The following SIGLEC1 variants were observed in gnomAD, a reference collection of about 807,000 sequenced individuals.
SIGLEC1 encodes sialic acid binding Ig like lectin 1.
A neutral mutation model predicts 148.0 loss-of-function variants in SIGLEC1; 132 were observed. That is an observed-to-expected ratio of 0.89 (90% CI 0.77 to 1.03). SIGLEC1 has a LOEUF of 1.03. Ranked by LOEUF, SIGLEC1 falls within the 50% of genes least tolerant of loss-of-function variation. SIGLEC1 has a pLI of 0.00. For missense variants in SIGLEC1, 2,253 were observed against 2,271.4 expected, an observed-to-expected ratio of 0.99 and a Z score of 0.16; for synonymous variants, 945 against 969.0, an observed-to-expected ratio of 0.98 and a Z score of 0.46.
intron 6 of SIGLEC1, 192 bp downstream of exon 6, chr20:3,703,005 A>G (rs1327481303): frequency 2.2e-5 from 13 of 597,826 alleles, no homozygotes; most frequent in Non-Finnish European, 3.8e-5. Context: ...TTAAACTTCC[A>G]AATATAAAAT....
rs960120516 is a variant in SIGLEC1 at position 3,701,407 on chromosome 20, T to C, written c.1463A>G (p.Glu488Gly). The change falls in exon 7 of 22, where the codon GAG becomes GGG. Residue 488 changes from glutamate to glycine, a missense_variant. Coordinates refer to ENST00000344754, the MANE Select transcript of SIGLEC1 (RefSeq NM_023068.4). ...GGAGTTGGTGGCTGAGCACTTGTAC[T>C]CCCCACTGTCAGTTTCCTCCAGGTC... ...IRDLEETDSG[E>G]YKCSATNSLG... The C allele has an allele frequency of 1.2e-6, 2 of 1,614,114 alleles. No homozygotes were observed. The highest frequency in any genetic ancestry group is 8.5e-7 in the Non-Finnish European group (1 of 1,180,014).
intron 7 of SIGLEC1, among the ~76,000 whole-genome samples, chr20:3,700,920 CG>C (rs1360179650): frequency 6.6e-6 from 1 of 151,758 alleles, no homozygotes; most frequent in Non-Finnish European, 1.5e-5. Flanking sequence ...AGGATGGTCT[CG>C]ATCTCTTGAC....
At chr20:3,692,332 A>G (rs1568839300) in intron 16 of SIGLEC1, 130 bp from the exon 17 acceptor site, 1 of 1,184,214 alleles carries the variant, frequency 8.4e-7, no homozygotes, top group African/African-American at 1.5e-5. Flanking sequence ...ACACCTTCCC[A>G]GGAGTCCTGT....
At chr20:3,699,068 A>C in intron 8 of SIGLEC1, 134 bp downstream of exon 8, 1 of 1,016,702 alleles carries the variant, frequency 9.8e-7, no homozygotes. Context: ...GGAAAGACCC[A>C]CTGTGGCCAG....
At position 3,693,458 on chromosome 20, in the gene SIGLEC1, A is replaced by G; in HGVS notation, c.3497T>C (p.Leu1166Ser). Residue 1166 changes from leucine to serine, a missense_variant, in exon 14 of 22, where the codon TTG (leucine) becomes TCG (serine). Physicochemically the swap from Leu to Ser is moderately radical, Grantham distance 145. Transcript: ENST00000344754. ...RAPRLSRPITLDVLYAPRNLR... is the reference protein window; with the variant it reads ...RAPRLSRPITSDVLYAPRNLR... ...CCAGCCAGACTCACAGAGGACGTCC[A>G]AGGTGATAGGTCTGGAGAGGCGGGG... is the stretch of plus-strand genomic sequence containing the variant. 1 of 1,583,038 alleles carries G rather than the reference A, an allele frequency of 6.3e-7. No homozygotes were observed. The highest frequency in any genetic ancestry group is 8.6e-7 in the Non-Finnish European group (1 of 1,161,596).
At position 3,696,472 on chromosome 20, in the gene SIGLEC1, A is replaced by G. The variant is rs1167179206; in HGVS notation, c.2683+114T>C. ...CTGCTGGCTGGAAACTGCCCTTACC[A>G]GGACTGAAAAAGACATATTTCTGCA... On this transcript the variant is annotated intron_variant, in intron 11 of 21. Coordinates refer to ENST00000344754, the MANE Select transcript of SIGLEC1 (RefSeq NM_023068.4). The G allele has an allele frequency of 9.5e-6, 10 of 1,053,322 alleles. 1 individual carries two copies. Among genetic ancestry groups the G allele is most frequent in the African/African-American group, 3.2e-5 (2 of 62,622 alleles). 65.2% of individuals were successfully genotyped at this position (1,053,322 alleles called of 1,614,324 possible). A position where few individuals can be genotyped will look rare whatever the true frequency, so the allele number is the denominator to read the frequency against.
chr20:3,689,325 G>T, intron 20 of SIGLEC1, 98 bp from the exon 21 acceptor site: 2 of 1,074,150 alleles, frequency 1.9e-6, no homozygotes, highest in Non-Finnish European at 2.9e-6. Flanking sequence ...GACCACAAGA[G>T]CGTGGGAACC....
rs568078613 is a variant in SIGLEC1, at chr20:3,710,739, G to T, written c.-110+1731C>A. 6.6e-6 allele frequency among the ~76,000 whole-genome samples: 1 copy of T among 152,312 alleles called. No individual in the cohort carries two copies. The highest frequency in any genetic ancestry group is 2.4e-5 in the African/African-American group (1 of 41,570). On this transcript the variant is annotated intron_variant, in intron 1 of 21. Transcript: ENST00000344754. This position sits in a 1 kb window ranked among gnomAD's most constrained non-coding sequence, Gnocchi z 4.6. ...GCAATCGTGAACCTGATGGAAGAAT[G>T]GTGGGGTTCTGGACACAGCGACCCT... is the stretch of plus-strand genomic sequence containing the variant.
In SIGLEC1 at chr20:3,692,835, G is replaced by C. The variant is rs750648570; in HGVS notation, c.3778+27C>G. 5.0e-6 allele frequency: 8 copies of C among 1,601,698 alleles called. No homozygotes were observed. In the East Asian group the frequency reaches 1.8e-4, roughly 36 times the overall value. ...GACACCACAGTGGGCTTCCATCCCA[G>C]TGGGCTTGGCCTAGGCCCTGCCTTA... On this transcript the variant is annotated intron_variant, in intron 15 of 21. Coordinates refer to ENST00000344754, the MANE Select transcript of SIGLEC1 (RefSeq NM_023068.4).
Position 3,697,265 on chromosome 20 carries a change from C to T in SIGLEC1, c.2200G>A (p.Glu734Lys). ...AAGTTAGCAGGGCTGCCAGCAGCTT[C>T]CCGGCTCACGTTGCAAGTCAAGTTG... is the stretch of plus-strand genomic sequence containing the variant. ...EANLTCNVSR[E>K]AAGSPANFSW... The change falls in exon 10 of 22, where the codon GAA (glutamate) becomes AAA (lysine). Residue 734 changes from glutamate (E) to lysine (K), a missense_variant. Glu to Lys is a moderately conservative substitution (Grantham distance 56). Coordinates refer to ENST00000344754, the MANE Select transcript of SIGLEC1 (RefSeq NM_023068.4). 1 of 1,613,992 alleles carries T rather than the reference C, an allele frequency of 6.2e-7. No individual in the cohort carries two copies. Among genetic ancestry groups the T allele is most frequent in the Non-Finnish European group, 8.5e-7 (1 of 1,180,038 alleles).
At chr20:3,705,391 G>A (rs998364054) in intron 4 of SIGLEC1, among the ~76,000 whole-genome samples, 2 of 152,200 alleles carry the variant, frequency 1.3e-5, no homozygotes, top group Non-Finnish European at 2.9e-5. Flanking sequence ...GCAGGAAAGG[G>A]ATAAATCCCA....
chr20:3,696,938 C>T, intron 10 of SIGLEC1, 50 bp from the exon 11 acceptor site: 1 of 1,536,948 alleles, frequency 6.5e-7, no homozygotes. Flanking sequence ...CACCACATTA[C>T]AACTGCCACA....
At chr20:3,696,129 T>TATATATACACAC (rs11087599) in intron 11 of SIGLEC1, among the ~76,000 whole-genome samples, 163 of 142,512 alleles carry the variant, frequency 1.1e-3, no homozygotes, top group African/African-American at 4.2e-3. Context: ...ACTATATATA[T>TATATATACACAC]ACACACACAC....
At chr20:3,707,030 CT>C (rs2087901924) in intron 2 of SIGLEC1, 49 bp downstream of exon 2, 3 of 1,580,686 alleles carry the variant, frequency 1.9e-6, no homozygotes, top group African/African-American at 1.3e-5. Context: ...AAGGGCTGGA[CT>C]TATGAAGGCT....
Position 3,703,371 on chromosome 20 carries a change from C to A in SIGLEC1, c.1054G>T (p.Ala352Ser). 6.2e-7 allele frequency: 1 copy of A among 1,613,178 alleles called. No homozygotes were observed. Among genetic ancestry groups the A allele is most frequent in the Non-Finnish European group, 8.5e-7 (1 of 1,179,500 alleles). Residue 352 changes from alanine to serine, a missense_variant, in exon 6 of 22, where the codon GCA becomes TCA. Physicochemically the swap from Ala to Ser is moderately conservative, Grantham distance 99. Coordinates refer to ENST00000344754, the MANE Select transcript of SIGLEC1 (RefSeq NM_023068.4). Reference protein sequence around the residue: ...VTLVCNTPNEAPSDLRYSWYK... With the variant: ...VTLVCNTPNESPSDLRYSWYK... ...CAGCTGTAGCGGAGATCACTGGGTG[C>A]CTCATTGGGTGTGTTGCAGACTAGT...
intron 7 of SIGLEC1, among the ~76,000 whole-genome samples, chr20:3,699,962 C>G (rs144378999): frequency 1.3e-5 from 2 of 151,272 alleles, no homozygotes; most frequent in Non-Finnish European, 2.9e-5. Flanking sequence ...AGGTGTGCCA[C>G]CACACCCAGC....
In SIGLEC1 at chr20:3,703,403, G is replaced by C. The variant is rs1234585570; in HGVS notation, c.1022C>G (p.Thr341Arg). Residue 341 changes from threonine (T) to arginine (R), a missense_variant, in exon 6 of 22, where the codon ACA (threonine) becomes AGA (arginine). Thr to Arg is a moderately conservative substitution (Grantham distance 71). Coordinates refer to ENST00000344754, the MANE Select transcript of SIGLEC1 (RefSeq NM_023068.4). ...GGGTGTGTTGCAGACTAGTGTCACT[G>C]TCTGGTTCTCCAGGATGGGACCTGC... is the stretch of plus-strand genomic sequence containing the variant. ...SPAGPILENQ[T>R]VTLVCNTPNE... The C allele has an allele frequency of 1.9e-6, 3 of 1,601,450 alleles. No individual in the cohort carries two copies. The African/African-American group carries it at 4.0e-5, about 21-fold the overall frequency.
intron 9 of SIGLEC1, 115 bp from the exon 10 acceptor site, chr20:3,697,457 G>T: frequency 7.5e-7 from 1 of 1,338,260 alleles, no homozygotes; most frequent in East Asian, 2.4e-5. Flanking sequence ...CACAGGGTTG[G>T]GGAGAAAAGC....
chr20:3,702,969 G>A (rs1007278934), intron 6 of SIGLEC1: 2 of 566,298 alleles, frequency 3.5e-6, no homozygotes, highest in African/African-American at 3.8e-5. Context: ...ATCATTATTT[G>A]TCTTTCTCTG....
Sources: gnomAD v4.1 joint callset for allele counts (sites outside exome capture counted in the v4.1 genomes callset) on GRCh38, gnomAD v4.1.1 for gene constraint, Gnocchi (gnomAD v3.1) non-coding constraint, MANE v1.5 for transcripts, NCBI Gene and HGNC (gene_info 2026-07-23, HGNC 2026-07-21) for gene names.